NSD1: variants seen among roughly 807,000 people sequenced by gnomAD.
NSD1 encodes the protein nuclear receptor binding SET domain protein 1, also known as histone-lysine N-methyltransferase, H3 lysine-36 specific.
NSD1 carries 26 observed loss-of-function variants against 242.7 expected under a neutral mutation model. That is an observed-to-expected ratio of 0.11 (90% confidence interval 0.08 to 0.15). The LOEUF is 0.15. NSD1 is among the 10% of genes least tolerant of loss of function. The probability of loss-of-function intolerance (pLI) is 1.00; values close to 1 mark genes in which losing one functional copy is unlikely to be tolerated. For synonymous variants in NSD1, 1,106 were observed against 1,178.1 expected (o/e 0.94, Z 1.25); for missense variants, 2,495 against 3,272.8 (o/e 0.76, Z 5.80).
intron 2 of NSD1, among the ~76,000 whole-genome samples, chr5:177,186,523 T>G (rs541641365): frequency 2.6e-5 from 4 of 152,198 alleles, no homozygotes; most frequent in East Asian, 1.9e-4. Flanking sequence ...AAAAATTCAT[T>G]AGTGAAAGTA....
At chr5:177,151,594 G>A (rs1055426209) in intron 2 of NSD1, among the ~76,000 whole-genome samples, 6 of 151,488 alleles carry the variant, frequency 4.0e-5, no homozygotes, top group African/African-American at 1.2e-4. Context: ...TCTCCATGTT[G>A]GTCAGACTTG....
At position 177,194,368 on chromosome 5, in the gene NSD1, T is replaced by A. The variant is rs535228241; in HGVS notation, c.1063+2349T>A. 2.1e-4 allele frequency among the ~76,000 whole-genome samples: 32 copies of A among 151,546 alleles called. 2 individuals are homozygous for A. The South Asian group carries it at 5.4e-3, about 26-fold the overall frequency. ...TTGATCTCCAGGGCTCAAACAGTCA[T>A]CCAACCTCAGCATCCTGAATAGCTG... On this transcript the variant is annotated intron_variant, in intron 3 of 22. Coordinates refer to ENST00000439151, the MANE Select transcript of NSD1 (RefSeq NM_022455.5).
At chr5:177,154,265 G>A (rs999182688) in intron 2 of NSD1, among the ~76,000 whole-genome samples, 4 of 151,938 alleles carry the variant, frequency 2.6e-5, no homozygotes, top group African/African-American at 7.2e-5. Context: ...TCTATTGGCT[G>A]GCCACACATA....
chr5:177,239,379 G>A (rs1049778182), intron 7 of NSD1, among the ~76,000 whole-genome samples: 3 of 152,166 alleles, frequency 2.0e-5, no homozygotes, highest in Non-Finnish European at 2.9e-5. Flanking sequence ...TAGGGGCAGA[G>A]CAGAAACTAT....
At chr5:177,203,218 C>T (rs1762633122) in intron 3 of NSD1, among the ~76,000 whole-genome samples, 1 of 151,750 alleles carries the variant, frequency 6.6e-6, no homozygotes, top group South Asian at 2.1e-4. Context: ...CATGTGTTGT[C>T]CTGACTTTCT....
intron 2 of NSD1, among the ~76,000 whole-genome samples, chr5:177,145,484 A>T (rs1757162594): frequency 6.6e-6 from 1 of 152,086 alleles, no homozygotes; most frequent in Non-Finnish European, 1.5e-5. Flanking sequence ...GGGTCTTGCT[A>T]TGTTGCCCAG....
At chr5:177,257,856 C>T (rs1302021670) in intron 13 of NSD1, among the ~76,000 whole-genome samples, 17 of 114,020 alleles carry the variant, frequency 1.5e-4, no homozygotes, top group East Asian at 5.2e-4. Flanking sequence ...TTTTTTGAGA[C>T]GGAGTCTTGC....
intron 5 of NSD1, among the ~76,000 whole-genome samples, chr5:177,215,750 C>T (rs1763721953): frequency 6.6e-6 from 1 of 152,246 alleles, no homozygotes; most frequent in Non-Finnish European, 1.5e-5. Flanking sequence ...GCTTCGGCCT[C>T]CCAAAGTGTT....
At position 177,244,286 on chromosome 5, in the gene NSD1, A is replaced by T; in HGVS notation, c.4378+16A>T. 1 of 1,587,824 alleles carries T rather than the reference A, an allele frequency of 6.3e-7. No homozygotes were observed. Among genetic ancestry groups the T allele is most frequent in the Non-Finnish European group, 8.6e-7 (1 of 1,156,628 alleles). On this transcript the variant is annotated intron_variant, in intron 9 of 22. Coordinates refer to ENST00000439151, the MANE Select transcript of NSD1 (RefSeq NM_022455.5). ...TTTGGTGGAGGTGAGTATTTTTGAG[A>T]TTTAAAAAACGTAATGCAGTAGTAA...
intron 5 of NSD1, among the ~76,000 whole-genome samples, chr5:177,234,111 CT>C: frequency 6.6e-6 from 1 of 152,158 alleles, no homozygotes; most frequent in South Asian, 2.1e-4. Flanking sequence ...TTGATGGCTT[CT>C]TCAGTAAAGT....
At chr5:177,247,172 G>A (rs963472086) in intron 10 of NSD1, among the ~76,000 whole-genome samples, 2 of 152,230 alleles carry the variant, frequency 1.3e-5, no homozygotes, top group Non-Finnish European at 2.9e-5. Flanking sequence ...GCTCACGCCT[G>A]TAATCCCAAC....
rs1760165329 is a variant in NSD1, at chr5:177,295,129, G to C, written c.7761G>C (p.Gln2587His). 6.2e-7 allele frequency: 1 copy of C among 1,613,374 alleles called. No individual in the cohort carries two copies. The highest frequency in any genetic ancestry group is 1.3e-5 in the African/African-American group (1 of 74,888). The change falls in exon 23 of 23, where the codon CAG (glutamine) becomes CAC (histidine). Residue 2587 changes from glutamine (Q) to histidine (H), a missense_variant. Transcript: ENST00000439151. This position sits in a 1 kb window ranked among gnomAD's most constrained non-coding sequence, Gnocchi z 4.3. ...VKQAKQMVGG[Q>H]QLPALAAKSG... is the part of the protein sequence containing the mutation. ...AGGCGAAGCAGATGGTCGGAGGCCA[G>C]CAACTACCTGCACTTGCCGCCAAGA...
rs752628095 is a variant in NSD1 at position 177,293,836 on chromosome 5, A to G, written c.6468A>G (p.Lys2156=). 9 of 1,614,074 alleles carry G rather than the reference A, an allele frequency of 5.6e-6. No homozygotes were observed. In the Admixed American group the frequency reaches 1.2e-4, roughly 21 times the overall value. Residue 2156 remains lysine (K), a synonymous_variant, in exon 23 of 23, where the codon AAA becomes AAG. Coordinates refer to ENST00000439151, the MANE Select transcript of NSD1 (RefSeq NM_022455.5). ...CLNLTKRPAG[K]WECPWHQCDI... is the part of the protein sequence containing the mutation. ...GATTTACTTCTGTGTTTTCAGGGAA[A>G]TGGGAATGTCCGTGGCATCAGTGTG...
At position 177,210,254 on chromosome 5, in the gene NSD1, G is replaced by C; in HGVS notation, c.1855G>C (p.Val619Leu). Residue 619 changes from valine (V) to leucine (L), a missense_variant, in exon 5 of 23, where the codon GTG becomes CTG. Physicochemically the swap from Val to Leu is conservative, Grantham distance 32. Transcript: ENST00000439151. ...PQRSLVCGSKVKLCYIGAGDE... is the reference protein window; with the variant it reads ...PQRSLVCGSKLKLCYIGAGDE... ...ACGAAGCCTGGTGTGTGGTTCAAAA[G>C]TGAAGCTCTGCTATATTGGAGCAGG... The C allele has an allele frequency of 4.4e-6, 7 of 1,600,708 alleles. No individual in the cohort carries two copies. The highest frequency in any genetic ancestry group is 6.0e-6 in the Non-Finnish European group (7 of 1,173,534).
At chr5:177,290,689 G>A (rs185542606) in intron 21 of NSD1, among the ~76,000 whole-genome samples, 2 of 152,340 alleles carry the variant, frequency 1.3e-5, no homozygotes, top group East Asian at 3.9e-4. Flanking sequence ...GATTACAGGC[G>A]TGAGCCACTG....
At position 177,191,231 on chromosome 5, in the gene NSD1, A is replaced by G. The variant is rs575047997; in HGVS notation, c.928-653A>G. On this transcript the variant is annotated intron_variant, in intron 2 of 22. Coordinates refer to ENST00000439151, the MANE Select transcript of NSD1 (RefSeq NM_022455.5). ...GTGATCCACCTGCCTCGGCCTCCCA[A>G]AGTGCTGGGATTACAGGCATGAGCC... is the stretch of plus-strand genomic sequence containing the variant. Among the ~76,000 whole-genome samples the G allele has an allele frequency of 2.4e-4, 37 of 152,000 alleles. 1 individual carries two copies. Among genetic ancestry groups the G allele is most frequent in the Non-Finnish European group, 4.4e-4 (30 of 67,998 alleles).
Position 177,284,116 on chromosome 5 carries a change from T to G in NSD1, c.6151+188T>G, listed in dbSNP as rs1378158208. Among the ~76,000 whole-genome samples the G allele has an allele frequency of 2.0e-5, 3 of 152,218 alleles. No individual in the cohort carries two copies. The East Asian group carries it at 5.8e-4, about 29-fold the overall frequency. On this transcript the variant is annotated intron_variant, in intron 20 of 22. Transcript: ENST00000439151. ...CAGAACTCTTTTCATCTTCCCCTGC[T>G]AAAACTCTATACCTACTAAACACTA...
chr5:177,244,261 T>A lies in NSD1; in HGVS notation c.4369T>A (p.Phe1457Ile), dbSNP rs370683599. 1.9e-6 allele frequency: 3 copies of A among 1,612,744 alleles called. No individual in the cohort carries two copies. The highest frequency in any genetic ancestry group is 2.5e-6 in the Non-Finnish European group (3 of 1,178,876). ...TTGTGCCACATCTTATTCAAAAGATTTTGGTGGAGGTGAGTATTTTTGAGA... is the reference window on the plus strand; with the variant it reads ...TTGTGCCACATCTTATTCAAAAGATATTGGTGGAGGTGAGTATTTTTGAGA... ...ESCATSYSKD[F>I]GGGTTKIFDK... Residue 1457 changes from phenylalanine to isoleucine, a missense_variant, in exon 9 of 23, where the codon TTT (phenylalanine) becomes ATT (isoleucine). Transcript: ENST00000439151.
intron 4 of NSD1, among the ~76,000 whole-genome samples, chr5:177,207,632 G>T (rs1188899949): frequency 7.7e-6 from 1 of 130,490 alleles, no homozygotes; most frequent in Non-Finnish European, 1.5e-5. Flanking sequence ...TAGAGAAGGG[G>T]TGGGTCTCCC....
Sources: gnomAD v4.1 joint callset for allele counts (sites outside exome capture counted in the v4.1 genomes callset) on GRCh38, gnomAD v4.1.1 for gene constraint, Gnocchi (gnomAD v3.1) non-coding constraint, MANE v1.5 for transcripts, NCBI Gene and HGNC (gene_info 2026-07-23, HGNC 2026-07-21) for gene names.